The following PGCKA1 variants were observed in gnomAD, a reference collection of about 807,000 sequenced individuals.
PGCKA1 encodes PDCD10 and GCKIII kinases associated 1, also known as PDCD10 and GCKIII kinases-associated protein 1.
the PGCKA1 span, among the ~76,000 whole-genome samples, chr4:37,533,521 C>T: frequency 6.6e-6 from 1 of 152,202 alleles, no homozygotes; most frequent in Admixed American, 6.5e-5. Flanking sequence ...GAAGGTGGGG[C>T]TGCTCTGTTG....
At chr4:37,465,170 T>A in the PGCKA1 span, among the ~76,000 whole-genome samples, 1 of 152,174 alleles carries the variant, frequency 6.6e-6, no homozygotes, top group Non-Finnish European at 1.5e-5. Flanking sequence ...TGAAAAAATA[T>A]TACTGTAAAA....
the PGCKA1 span, among the ~76,000 whole-genome samples, chr4:37,486,312 C>T: frequency 6.6e-6 from 1 of 152,118 alleles, no homozygotes; most frequent in Admixed American, 6.6e-5. Flanking sequence ...GACTAGGCAG[C>T]CTGGTAATTA....
At chr4:37,507,441 T>C in the PGCKA1 span, among the ~76,000 whole-genome samples, 17 of 152,246 alleles carry the variant, frequency 1.1e-4, no homozygotes, top group Admixed American at 1.0e-3. Context: ...TGTGTATCCA[T>C]TGTATGTTTT....
chr4:37,528,529 C>G, the PGCKA1 span, among the ~76,000 whole-genome samples: 1 of 152,160 alleles, frequency 6.6e-6, no homozygotes, highest in South Asian at 2.1e-4. Context: ...GAAAGAAGAA[C>G]TAACAGAAGA....
At chr4:37,544,384 T>G in the PGCKA1 span, among the ~76,000 whole-genome samples, 2 of 152,184 alleles carry the variant, frequency 1.3e-5, no homozygotes, top group Non-Finnish European at 2.9e-5. Context: ...GAAACTCATG[T>G]CCTTCAATTA....
chr4:37,468,553 G>A, the PGCKA1 span, among the ~76,000 whole-genome samples: 1 of 152,078 alleles, frequency 6.6e-6, no homozygotes, highest in African/African-American at 2.4e-5. Context: ...AGCTCCACTT[G>A]GCATCTGGTG....
chr4:37,497,997 A>G, the PGCKA1 span, among the ~76,000 whole-genome samples: 1 of 152,080 alleles, frequency 6.6e-6, no homozygotes, highest in Non-Finnish European at 1.5e-5. Context: ...CATTGTCTAG[A>G]CAATGTCTAG....
the PGCKA1 span, among the ~76,000 whole-genome samples, chr4:37,506,039 T>C: frequency 6.0e-4 from 92 of 152,354 alleles, 2 homozygotes; most frequent in Non-Finnish European, 7.9e-4. Context: ...TAGGAATTTA[T>C]CCATATCTTC....
At chr4:37,588,182 T>G in the PGCKA1 span, 5 of 152,118 alleles carry the variant, frequency 3.3e-5, 1 homozygote, top group South Asian at 1.0e-3. Flanking sequence ...GGGAAATGAG[T>G]CCACCTTCTG....
At chr4:37,454,392 G>GTGCA in the PGCKA1 span, among the ~76,000 whole-genome samples, 1 of 152,118 alleles carries the variant, frequency 6.6e-6, no homozygotes, top group Non-Finnish European at 1.5e-5. Flanking sequence ...ACTTTCAACG[G>GTGCA]TGCATGCGAA....
At chr4:37,535,991 A>G in the PGCKA1 span, among the ~76,000 whole-genome samples, 68 of 152,370 alleles carry the variant, frequency 4.5e-4, no homozygotes, top group East Asian at 0.012. Context: ...TGAGGATTAA[A>G]TGAGATCATG....
At chr4:37,573,946 T>C in the PGCKA1 span, among the ~76,000 whole-genome samples, 1 of 152,174 alleles carries the variant, frequency 6.6e-6, no homozygotes, top group Non-Finnish European at 1.5e-5. Flanking sequence ...TTCCAGCACC[T>C]TGGGAGGCCA....
chr4:37,586,425 G>A, the PGCKA1 span, among the ~76,000 whole-genome samples: 1 of 152,158 alleles, frequency 6.6e-6, no homozygotes, highest in African/African-American at 2.4e-5. Context: ...ACTTGAAGAA[G>A]GGTGGAGCAC....
chr4:37,527,565 A>C, the PGCKA1 span, among the ~76,000 whole-genome samples: 1 of 152,110 alleles, frequency 6.6e-6, no homozygotes, highest in Middle Eastern at 3.4e-3. Context: ...CACGCCTGTA[A>C]TCCCAGCACT....
the PGCKA1 span, among the ~76,000 whole-genome samples, chr4:37,488,059 G>T: frequency 2.6e-5 from 4 of 152,122 alleles, no homozygotes; most frequent in Admixed American, 2.6e-4. Context: ...TCTAGGAGTG[G>T]AAAATTGCTA....
chr4:37,581,925 G>A, the PGCKA1 span, among the ~76,000 whole-genome samples: 1 of 152,202 alleles, frequency 6.6e-6, no homozygotes, highest in South Asian at 2.1e-4. The surrounding 1 kb of genome is among the most constrained non-coding windows in gnomAD (Gnocchi z 4.4). Flanking sequence ...CCAACAACTG[G>A]AATATATAAT....
chr4:37,461,177 A>T, the PGCKA1 span: 230 of 167,396 alleles, frequency 1.4e-3, 6 homozygotes, highest in African/African-American at 5.4e-3. Context: ...AGGTCTCTAT[A>T]TCTGTGTTGG....
the PGCKA1 span, among the ~76,000 whole-genome samples, chr4:37,473,125 T>A: frequency 2.6e-5 from 4 of 152,196 alleles, no homozygotes; most frequent in Non-Finnish European, 5.9e-5. Flanking sequence ...AATCCCAGGC[T>A]AACTTGCTAG....
chr4:37,461,934 T>G, the PGCKA1 span, among the ~76,000 whole-genome samples: 1 of 152,048 alleles, frequency 6.6e-6, no homozygotes, highest in Non-Finnish European at 1.5e-5. Context: ...AGAGAGAATG[T>G]GAACATGATT....
Sources: allele counts gnomAD v4.1 joint callset (sites outside exome capture counted in the v4.1 genomes callset), GRCh38; gene constraint gnomAD v4.1.1; non-coding constraint Gnocchi (gnomAD v3.1); transcripts MANE v1.5; gene names NCBI Gene and HGNC (gene_info 2026-07-23, HGNC 2026-07-21).